Variants in MAML3 observed in about 807,000 individuals in gnomAD.
MAML3 encodes mastermind-like protein 3.
Under a neutral mutation model 101.9 loss-of-function variants are expected in MAML3, and 27 were observed. The ratio of observed to expected loss-of-function variants is 0.27; its 90% confidence interval spans 0.20 to 0.37. The LOEUF (loss-of-function observed/expected upper bound fraction) is 0.37. Ranked by LOEUF, MAML3 falls within the 10% of genes least tolerant of loss-of-function variation. MAML3 has a pLI of 1.00. For synonymous variants in MAML3, 501 were observed against 555.9 expected, an observed-to-expected ratio of 0.90 and a Z score of 1.39; for missense variants, 1,316 against 1,444.9, an observed-to-expected ratio of 0.91 and a Z score of 1.45.
At chr4:139,918,161 T>C (rs992138096) in intron 1 of MAML3, among the ~76,000 whole-genome samples, 1 of 152,144 alleles carries the variant, frequency 6.6e-6, no homozygotes, top group Non-Finnish European at 1.5e-5. Flanking sequence ...CATCTTACCC[T>C]TTCCAGTCTA....
At chr4:139,745,508 G>C (rs1027288061) in intron 2 of MAML3, among the ~76,000 whole-genome samples, 15 of 152,130 alleles carry the variant, frequency 9.9e-5, no homozygotes, top group Admixed American at 8.5e-4. Context: ...ACTGAAAAAA[G>C]CCAAATGCAC....
chr4:139,940,606 G>A (rs184309845), intron 1 of MAML3, among the ~76,000 whole-genome samples: 1 of 152,326 alleles, frequency 6.6e-6, no homozygotes, highest in East Asian at 1.9e-4. Context: ...AAGGAAGCAA[G>A]TTGTTCCCAA....
At chr4:140,080,558 T>C (rs1291728445) in intron 1 of MAML3, among the ~76,000 whole-genome samples, 1 of 152,174 alleles carries the variant, frequency 6.6e-6, no homozygotes, top group Non-Finnish European at 1.5e-5. Context: ...GGATTGGAAA[T>C]AGAAGGAGAA....
At chr4:139,946,555 A>G (rs941426028) in intron 1 of MAML3, among the ~76,000 whole-genome samples, 14 of 152,216 alleles carry the variant, frequency 9.2e-5, no homozygotes, top group African/African-American at 3.1e-4. Context: ...TGGGAATAAT[A>G]TAATGAATAA....
At chr4:140,053,600 A>G (rs1323475418) in intron 1 of MAML3, among the ~76,000 whole-genome samples, 3 of 152,182 alleles carry the variant, frequency 2.0e-5, no homozygotes, top group African/African-American at 7.2e-5. Flanking sequence ...ACATGCATGC[A>G]CATATTTATT....
intron 1 of MAML3, among the ~76,000 whole-genome samples, chr4:140,053,166 C>A (rs1390976764): frequency 6.6e-6 from 1 of 152,118 alleles, no homozygotes; most frequent in Non-Finnish European, 1.5e-5. Context: ...CAGCCACCGA[C>A]AACTGGTGCT....
chr4:140,032,048 A>C (rs1726916337), intron 1 of MAML3, among the ~76,000 whole-genome samples: 1 of 152,234 alleles, frequency 6.6e-6, no homozygotes, highest in Non-Finnish European at 1.5e-5. Flanking sequence ...TTTCCAAAGA[A>C]AATATGAAAC....
chr4:140,119,809 T>C (rs558231179), intron 1 of MAML3, among the ~76,000 whole-genome samples: 4 of 152,110 alleles, frequency 2.6e-5, no homozygotes, highest in African/African-American at 4.8e-5. Flanking sequence ...AGACAGGATC[T>C]CTTATGTGGT....
intron 2 of MAML3, among the ~76,000 whole-genome samples, chr4:139,834,659 C>T (rs898786836): frequency 9.9e-5 from 15 of 152,216 alleles, no homozygotes; most frequent in African/African-American, 3.6e-4. Context: ...CTGCCCAATC[C>T]TCATTAGGTT....
intron 4 of MAML3, among the ~76,000 whole-genome samples, chr4:139,722,920 C>T (rs973685707): frequency 1.9e-4 from 29 of 152,160 alleles, no homozygotes; most frequent in African/African-American, 7.0e-4. Context: ...TATCTCAAAC[C>T]AATCAGTTCA....
chr4:139,951,007 A>T (rs187954695), intron 1 of MAML3, among the ~76,000 whole-genome samples: 1 of 152,304 alleles, frequency 6.6e-6, no homozygotes, highest in African/African-American at 2.4e-5. Context: ...CGTGGGTTTG[A>T]TTGTTACAAT....
intron 1 of MAML3, among the ~76,000 whole-genome samples, chr4:139,943,631 C>A (rs1733645388): frequency 6.6e-6 from 1 of 152,106 alleles, no homozygotes; most frequent in African/African-American, 2.4e-5. Flanking sequence ...TAGAAAGAAC[C>A]AGGATGAAGA....
intron 2 of MAML3, among the ~76,000 whole-genome samples, chr4:139,748,251 T>A (rs1729388774): frequency 6.6e-6 from 1 of 151,996 alleles, no homozygotes; most frequent in South Asian, 2.1e-4. Context: ...TTGGGGCACT[T>A]GAGCCATAAG....
At chr4:139,747,036 G>A (rs1729348694) in intron 2 of MAML3, among the ~76,000 whole-genome samples, 1 of 152,174 alleles carries the variant, frequency 6.6e-6, no homozygotes, top group South Asian at 2.1e-4. Flanking sequence ...CCTGTGTTTG[G>A]AACCTACTGA....
At chr4:139,947,249 A>G (rs969821738) in intron 1 of MAML3, among the ~76,000 whole-genome samples, 1 of 152,128 alleles carries the variant, frequency 6.6e-6, no homozygotes, top group African/African-American at 2.4e-5. Flanking sequence ...GTAAGTCTAA[A>G]TCACTATTTA....
In MAML3 at chr4:139,889,653, T is replaced by C; in HGVS notation, c.1783A>G (p.Asn595Asp). 1 of 1,614,042 alleles carries C rather than the reference T, an allele frequency of 6.2e-7. No individual in the cohort carries two copies. Among genetic ancestry groups the C allele is most frequent in the Non-Finnish European group, 8.5e-7 (1 of 1,179,898 alleles). Reference sequence around the variant, plus strand: ...TTAGTGTTGCCATAAGTCAGAATATTGTGCTGTTTGTTTAAGGAGTTTGTA... The same window carrying C: ...TTAGTGTTGCCATAAGTCAGAATATCGTGCTGTTTGTTTAAGGAGTTTGTA... Reference protein sequence around the residue: ...LGTNSLNKQHNILTYGNTKPL... With the variant: ...LGTNSLNKQHDILTYGNTKPL... The change falls in exon 2 of 5, where the codon AAT (asparagine) becomes GAT (aspartate). Residue 595 changes from asparagine to aspartate, a missense_variant. Asn to Asp is a conservative substitution (Grantham distance 23). Coordinates refer to ENST00000509479, the MANE Select transcript of MAML3 (RefSeq NM_018717.5).
At chr4:139,934,382 G>A (rs1733465900) in intron 1 of MAML3, among the ~76,000 whole-genome samples, 1 of 152,094 alleles carries the variant, frequency 6.6e-6, no homozygotes, top group Non-Finnish European at 1.5e-5. Context: ...AAATAAAAGG[G>A]AAATAAGAGG....
chr4:139,746,605 C>T lies in MAML3; in HGVS notation c.2080-15938G>A, dbSNP rs139729972. 1.6e-4 allele frequency among the ~76,000 whole-genome samples: 25 copies of T among 152,276 alleles called. No individual in the cohort carries two copies. In the East Asian group the frequency reaches 4.8e-3, roughly 29 times the overall value. On this transcript the variant is annotated intron_variant, in intron 2 of 4. Coordinates refer to ENST00000509479, the MANE Select transcript of MAML3 (RefSeq NM_018717.5). ...CAAATCTCCCCATCTGTCTCTCTCG[C>T]TCTGCGGGCCCCTCGTTGCCATGGT...
chr4:139,883,717 C>T (rs1346255876), intron 2 of MAML3, among the ~76,000 whole-genome samples: 1 of 151,858 alleles, frequency 6.6e-6, no homozygotes, highest in African/African-American at 2.4e-5. Context: ...TTAAGAGTGG[C>T]GTGGGTGAGG....
Sources: gnomAD v4.1 joint callset for allele counts (sites outside exome capture counted in the v4.1 genomes callset) on GRCh38, gnomAD v4.1.1 for gene constraint, MANE v1.5 for transcripts, NCBI Gene and HGNC (gene_info 2026-07-23, HGNC 2026-07-21) for gene names.